Variants in SLBP observed in about 807,000 individuals in gnomAD.
SLBP encodes the protein histone RNA hairpin-binding protein.
A neutral mutation model predicts 39.2 loss-of-function variants in SLBP; 29 were observed. The observed-to-expected ratio is 0.74, with a 90% CI of 0.55 to 1.01. SLBP has a LOEUF of 1.01. Ranked by LOEUF, SLBP falls within the 50% of genes least tolerant of loss-of-function variation. The probability of loss-of-function intolerance (pLI) is 0.00; values close to 1 mark genes in which losing one functional copy is unlikely to be tolerated. For synonymous variants in SLBP, 129 were observed against 118.7 expected (o/e 1.09, Z -0.57); for missense variants, 390 against 350.2 (o/e 1.11, Z -0.91).
intron 6 of SLBP, among the ~76,000 whole-genome samples, chr4:1,695,785 A>G (rs1716083778): frequency 6.6e-6 from 1 of 151,820 alleles, no homozygotes; most frequent in Non-Finnish European, 1.5e-5. Flanking sequence ...AAAAAAAAAA[A>G]GCCAACAGAG....
chr4:1,696,207 T>C lies in SLBP; in HGVS notation c.624A>G (p.Gln208=), dbSNP rs780712545. ...DPPAEEGCDL[Q]EIHPVDLESA... ...AGAATGCAATAAAGACATACATTTC[T>C]TGCAAATCACATCCTTCTTCCGCTG... The change falls in exon 6 of 8, where the codon CAA becomes CAG. Residue 208 remains glutamine, a synonymous_variant. Coordinates refer to ENST00000489418, the MANE Select transcript of SLBP (RefSeq NM_006527.4). 1.9e-6 allele frequency: 3 copies of C among 1,589,402 alleles called. No individual in the cohort carries two copies. The highest frequency in any genetic ancestry group is 1.4e-5 in the African/African-American group (1 of 73,360).
chr4:1,703,364 G>C (rs555282808), intron 3 of SLBP, among the ~76,000 whole-genome samples: 1 of 151,990 alleles, frequency 6.6e-6, no homozygotes, highest in Non-Finnish European at 1.5e-5. Context: ...CTTCAAGCTT[G>C]AAAGAGTGGA....
At chr4:1,702,765 G>A (rs749727041) in intron 3 of SLBP, among the ~76,000 whole-genome samples, 38 of 152,182 alleles carry the variant, frequency 2.5e-4, no homozygotes, top group Non-Finnish European at 4.9e-4. Context: ...AATCTTGTGT[G>A]CAACTGCAAG....
chr4:1,698,410 GA>G (rs57063368), intron 5 of SLBP, among the ~76,000 whole-genome samples: 95 of 143,404 alleles, frequency 6.6e-4, no homozygotes, highest in African/African-American at 2.4e-3. Flanking sequence ...GGTCAGGAGG[GA>G]AAAAAAAAAG....
chr4:1,699,072 C>G (rs1165261593), intron 5 of SLBP, among the ~76,000 whole-genome samples: 1 of 152,168 alleles, frequency 6.6e-6, no homozygotes, highest in Non-Finnish European at 1.5e-5. Flanking sequence ...AGCCATTGCA[C>G]CTGGCCCAGA....
chr4:1,693,510 T>C lies in SLBP; in HGVS notation c.*87A>G. ...GACTGCTAACAGAGAAACCACCAGG[T>C]ACAAGTGCACACACATGCTTGGTGC... On this transcript the variant is annotated 3_prime_UTR_variant, in exon 8 of 8. Transcript: ENST00000489418. 1.3e-6 allele frequency: 1 copy of C among 778,386 alleles called. No homozygotes were observed. Among genetic ancestry groups the C allele is most frequent in the Middle Eastern group, 3.3e-4 (1 of 3,032 alleles). 48.2% of individuals were successfully genotyped at this position (778,386 alleles called of 1,614,324 possible). A position where few individuals can be genotyped will look rare whatever the true frequency, so the allele number is the denominator to read the frequency against.
chr4:1,706,978 G>T (rs1250730834), intron 2 of SLBP, among the ~76,000 whole-genome samples: 4 of 151,740 alleles, frequency 2.6e-5, no homozygotes, highest in African/African-American at 9.7e-5. Flanking sequence ...CCAGCACTTT[G>T]GGAGGCCGAG....
intron 2 of SLBP, among the ~76,000 whole-genome samples, chr4:1,706,363 C>G (rs991846773): frequency 3.9e-5 from 6 of 152,198 alleles, no homozygotes; most frequent in African/African-American, 1.4e-4. Flanking sequence ...ATGTTATGTA[C>G]ACTATGATTA....
intron 2 of SLBP, among the ~76,000 whole-genome samples, chr4:1,711,626 G>C (rs1033434866): frequency 6.6e-6 from 1 of 152,212 alleles, no homozygotes; most frequent in Non-Finnish European, 1.5e-5. Flanking sequence ...ACACAGACTC[G>C]AACTGGCTAA....
In SLBP at chr4:1,693,256, C is replaced by A. The variant is rs550430208; in HGVS notation, c.*341G>T. ...ACATGGTTAAATCCAAAACAGTCCA[C>A]CTGACAAGCAATAACTGAAGATGCC... On this transcript the variant is annotated 3_prime_UTR_variant, in exon 8 of 8. Coordinates refer to ENST00000489418, the MANE Select transcript of SLBP (RefSeq NM_006527.4). The A allele has an allele frequency of 4.2e-5, 9 of 213,944 alleles. No homozygotes were observed. Among genetic ancestry groups the A allele is most frequent in the African/African-American group, 1.6e-4 (7 of 43,394 alleles). 13.3% of individuals were successfully genotyped at this position (213,944 alleles called of 1,614,324 possible). A position where few individuals can be genotyped will look rare whatever the true frequency, so the allele number is the denominator to read the frequency against.
chr4:1,711,689 G>C (rs1474541291), intron 2 of SLBP, among the ~76,000 whole-genome samples, 185 bp downstream of exon 2: 1 of 152,228 alleles, frequency 6.6e-6, no homozygotes, highest in Non-Finnish European at 1.5e-5. Context: ...GGCTTCCGGA[G>C]TGTTCCAGCG....
intron 2 of SLBP, among the ~76,000 whole-genome samples, chr4:1,706,806 GGAGA>G (rs1415895151): frequency 6.6e-6 from 1 of 151,818 alleles, no homozygotes; most frequent in Admixed American, 6.6e-5. Context: ...CCAGCCTGGG[GGAGA>G]GAGACCCCGT....
rs1361702741 is a variant in SLBP, at chr4:1,710,978, G to C, written c.176+896C>G. ...AGGCAGGAGAATCACTTGAACCCGG[G>C]AGGGGGAGGCTGCAGTGAGCCAAGA... On this transcript the variant is annotated intron_variant, in intron 2 of 7. Coordinates refer to ENST00000489418, the MANE Select transcript of SLBP (RefSeq NM_006527.4). 5.3e-5 allele frequency among the ~76,000 whole-genome samples: 8 copies of C among 151,480 alleles called. No individual in the cohort carries two copies. In the East Asian group the frequency reaches 1.5e-3, roughly 29 times the overall value.
intron 2 of SLBP, among the ~76,000 whole-genome samples, chr4:1,708,789 G>A (rs891086630): frequency 6.6e-6 from 1 of 152,116 alleles, no homozygotes; most frequent in East Asian, 1.9e-4. Flanking sequence ...ATCCATCAAC[G>A]AGCTGGCTCT....
rs1251522884 is a variant in SLBP, at chr4:1,711,857, C to A, written c.176+17G>T. ...CAAGGGCCCCACCGCGCCCCGACCCCCGGGTCCCGCGCCCACCTCTCGGGT... is the reference window on the plus strand; with the variant it reads ...CAAGGGCCCCACCGCGCCCCGACCCACGGGTCCCGCGCCCACCTCTCGGGT... On this transcript the variant is annotated intron_variant, in intron 2 of 7. Coordinates refer to ENST00000489418, the MANE Select transcript of SLBP (RefSeq NM_006527.4). The A allele has an allele frequency of 2.3e-5, 30 of 1,281,560 alleles. No homozygotes were observed. The highest frequency in any genetic ancestry group is 8.2e-5 in the Admixed American group (2 of 24,382). The allele number at this position is 1,281,560 out of a possible 1,614,324, so 79.4% of individuals were successfully genotyped here.
At position 1,694,849 on chromosome 4, in the gene SLBP, C is replaced by T; in HGVS notation, c.630-9G>A. 1 of 1,604,866 alleles carries T rather than the reference C, an allele frequency of 6.2e-7. No homozygotes were observed. Among genetic ancestry groups the T allele is most frequent in the South Asian group, 1.1e-5 (1 of 90,890 alleles). ...CAAGGTCTACAGGGTGTCTGTTAAA[C>T]AAGATCCAACATGTGCGTCAGGCAC... On this transcript the variant is annotated splice_polypyrimidine_tract_variant and intron_variant, in intron 6 of 7. Coordinates refer to ENST00000489418, the MANE Select transcript of SLBP (RefSeq NM_006527.4).
rs1716609521 is a variant in SLBP at position 1,708,528 on chromosome 4, G to C, written c.176+3346C>G. Among the ~76,000 whole-genome samples, 3 of 152,198 alleles carry C rather than the reference G, an allele frequency of 2.0e-5. 1 individual carries two copies. Among genetic ancestry groups the C allele is most frequent in the African/African-American group, 7.2e-5 (3 of 41,442 alleles). On this transcript the variant is annotated intron_variant, in intron 2 of 7. Coordinates refer to ENST00000489418, the MANE Select transcript of SLBP (RefSeq NM_006527.4). ...CTCAATAGAGGTTTGTCCAGGATTG[G>C]ATACAAGCATCCTCACTAGTGTATC...
chr4:1,698,145 A>C (rs1260267841), intron 5 of SLBP, among the ~76,000 whole-genome samples: 1 of 151,918 alleles, frequency 6.6e-6, no homozygotes, highest in Non-Finnish European at 1.5e-5. Context: ...ACGGATCACG[A>C]GATCAGCAGT....
chr4:1,693,344 T>C lies in SLBP; in HGVS notation c.*253A>G, dbSNP rs1715985987. 1 of 380,034 alleles carries C rather than the reference T, an allele frequency of 2.6e-6. No homozygotes were observed. Among genetic ancestry groups the C allele is most frequent in the African/African-American group, 2.0e-5 (1 of 48,838 alleles). The allele number at this position is 380,034 out of a possible 1,614,324, so 23.5% of individuals were successfully genotyped here. A position where few individuals can be genotyped will look rare whatever the true frequency, so the allele number is the denominator to read the frequency against. ...TGGAGGACAACAGGGATTACGCAAT[T>C]AAGCTCGCTGGAAGAGAGCTTCAAG... On this transcript the variant is annotated 3_prime_UTR_variant, in exon 8 of 8. Coordinates refer to ENST00000489418, the MANE Select transcript of SLBP (RefSeq NM_006527.4).
Sources: allele counts gnomAD v4.1 joint callset (sites outside exome capture counted in the v4.1 genomes callset), GRCh38; gene constraint gnomAD v4.1.1; transcripts MANE v1.5; gene names NCBI Gene and HGNC (gene_info 2026-07-23, HGNC 2026-07-21).